HHIPL1: variants seen among roughly 807,000 people sequenced by gnomAD.
HHIPL1 encodes HHIP like 1.
Under a neutral mutation model 61.8 loss-of-function variants are expected in HHIPL1, and 43 were observed. That is an observed-to-expected ratio of 0.70 (90% CI 0.55 to 0.90). The LOEUF (loss-of-function observed/expected upper bound fraction) is 0.90, where lower values mean the gene tolerates loss of function less well. Among genes scored for constraint, HHIPL1 ranks in the 40% least tolerant of loss-of-function variants. The pLI is 0.00. For missense variants in HHIPL1, 1,056 were observed against 1,157.7 expected, an observed-to-expected ratio of 0.91 and a Z score of 1.28; for synonymous variants, 482 against 515.8, an observed-to-expected ratio of 0.93 and a Z score of 0.89.
At position 99,645,358 on chromosome 14, in the gene HHIPL1, G is replaced by C. The variant is rs762007838; in HGVS notation, c.151G>C (p.Gly51Arg). 2.1e-6 allele frequency: 3 copies of C among 1,448,592 alleles called. No homozygotes were observed. In the African/African-American group the frequency reaches 4.4e-5, roughly 21 times the overall value. The allele number at this position is 1,448,592 out of a possible 1,614,324, so 89.7% of individuals were successfully genotyped here. A position where few individuals can be genotyped will look rare whatever the true frequency, so the allele number is the denominator to read the frequency against. ...QYSDFGCCDE[G>R]RDAELTRRFW... ...CTCGGACTTCGGCTGCTGCGATGAGGGGCGCGACGCCGAGCTGACCCGCCG... is the reference window on the plus strand; with the variant it reads ...CTCGGACTTCGGCTGCTGCGATGAGCGGCGCGACGCCGAGCTGACCCGCCG... Residue 51 changes from glycine to arginine, a missense_variant, in exon 1 of 9, where the codon GGG (glycine) becomes CGG (arginine). Coordinates refer to ENST00000330710, the MANE Select transcript of HHIPL1 (RefSeq NM_001127258.3).
intron 6 of HHIPL1, among the ~76,000 whole-genome samples, chr14:99,667,539 C>G (rs534449554): frequency 3.7e-4 from 57 of 152,164 alleles, no homozygotes; most frequent in African/African-American, 1.3e-3. Flanking sequence ...TAGAATGGGA[C>G]CATCACACAG....
rs35142788 is a variant in HHIPL1, at chr14:99,667,321, CT to C, written c.1649-889del. Among the ~76,000 whole-genome samples, 21 of 147,722 alleles carry C rather than the reference CT, an allele frequency of 1.4e-4. No individual in the cohort carries two copies. The East Asian group carries it at 2.0e-3, about 14-fold the overall frequency. On this transcript the variant is annotated intron_variant, in intron 6 of 8. Coordinates refer to ENST00000330710, the MANE Select transcript of HHIPL1 (RefSeq NM_001127258.3). Reference sequence around the variant, plus strand: ...CAAGTCACTTGACTTCTCTGAGCCTCTTTTTTTTTTTTCTCAGCTGTGAGGT... The same window carrying C: ...CAAGTCACTTGACTTCTCTGAGCCTCTTTTTTTTTTTCTCAGCTGTGAGGT...
chr14:99,635,241 T>C, the HHIPL1 span, among the ~76,000 whole-genome samples: 11 of 152,210 alleles, frequency 7.2e-5, no homozygotes, highest in East Asian at 2.1e-3. Flanking sequence ...CCAGGGAACA[T>C]GGAGAGCCAG....
chr14:99,641,068 G>A (rs558255962), upstream of HHIPL1, among the ~76,000 whole-genome samples: 1 of 151,726 alleles, frequency 6.6e-6, no homozygotes, highest in South Asian at 2.1e-4. Flanking sequence ...TGTATTTTTA[G>A]TGGAGACTGG....
At chr14:99,606,143 G>A in the HHIPL1 span, among the ~76,000 whole-genome samples, 1 of 152,194 alleles carries the variant, frequency 6.6e-6, no homozygotes, top group African/African-American at 2.4e-5. Flanking sequence ...AGGGGAGGGT[G>A]GTGGGGAGAG....
intron 8 of HHIPL1, among the ~76,000 whole-genome samples, chr14:99,673,317 C>T (rs968460378): frequency 1.3e-5 from 2 of 151,674 alleles, no homozygotes; most frequent in African/African-American, 4.9e-5. Flanking sequence ...ACTCATTCAG[C>T]AGTTTCTGGC....
At chr14:99,627,306 A>G in the HHIPL1 span, among the ~76,000 whole-genome samples, 3 of 150,400 alleles carry the variant, frequency 2.0e-5, no homozygotes, top group South Asian at 4.2e-4. The surrounding 1 kb of genome is among the most constrained non-coding windows in gnomAD (Gnocchi z 4.4). Context: ...CTACTCTTCC[A>G]TCTTCCCATC....
chr14:99,642,959 CAT>C (rs1281720634), upstream of HHIPL1, among the ~76,000 whole-genome samples: 3 of 152,146 alleles, frequency 2.0e-5, no homozygotes, highest in South Asian at 4.1e-4. Context: ...ACATATTAGT[CAT>C]AGTTATTTTA....
upstream of HHIPL1, among the ~76,000 whole-genome samples, chr14:99,642,922 T>G (rs189422955): frequency 6.6e-6 from 1 of 152,354 alleles, no homozygotes; most frequent in East Asian, 1.9e-4. Flanking sequence ...GTCTTGATGT[T>G]GTCAACTTTT....
At chr14:99,672,235 T>C (rs1308298758) in intron 7 of HHIPL1, 82 bp from the exon 8 acceptor site, 1 of 1,074,108 alleles carries the variant, frequency 9.3e-7, no homozygotes, top group African/African-American at 1.6e-5. Context: ...TTGCTGTTCA[T>C]ACCTGCCTCA....
At chr14:99,606,609 C>G in the HHIPL1 span, among the ~76,000 whole-genome samples, 5 of 152,332 alleles carry the variant, frequency 3.3e-5, no homozygotes, top group African/African-American at 1.2e-4. Context: ...TGGCAGCTTC[C>G]GCTGAACTTC....
the HHIPL1 span, among the ~76,000 whole-genome samples, chr14:99,606,580 C>T: frequency 6.6e-6 from 1 of 152,250 alleles, no homozygotes; most frequent in Admixed American, 6.5e-5. Context: ...GTTATCTCTG[C>T]CCCCTGATCC....
upstream of HHIPL1, among the ~76,000 whole-genome samples, chr14:99,644,802 C>T (rs1414667419): frequency 6.6e-6 from 1 of 152,170 alleles, no homozygotes. Flanking sequence ...CTTTCGGGGA[C>T]GGGCTGCGGG....
the HHIPL1 span, among the ~76,000 whole-genome samples, chr14:99,617,712 A>G: frequency 1.3e-5 from 2 of 152,192 alleles, no homozygotes; most frequent in Non-Finnish European, 2.9e-5. Context: ...ATATTCCCTG[A>G]TGGAAGCCCC....
chr14:99,656,321 G>C (rs1300617235), intron 2 of HHIPL1, among the ~76,000 whole-genome samples: 1 of 152,174 alleles, frequency 6.6e-6, no homozygotes, highest in Non-Finnish European at 1.5e-5. Context: ...GAAGACTTGA[G>C]TTCTAATCCC....
At chr14:99,659,782 C>T (rs757571777) in intron 4 of HHIPL1, 26 bp downstream of exon 4, 19 of 1,377,642 alleles carry the variant, frequency 1.4e-5, no homozygotes, top group Non-Finnish European at 1.8e-5. Flanking sequence ...CCGGGGACCC[C>T]GGCCCCGAAT....
chr14:99,647,739 ACG>A (rs2055864771), intron 1 of HHIPL1, among the ~76,000 whole-genome samples: 3 of 151,950 alleles, frequency 2.0e-5, no homozygotes, highest in Admixed American at 1.3e-4. Context: ...TGATTTCCAC[ACG>A]GGGAGGTGGT....
At chr14:99,617,248 C>CT in the HHIPL1 span, among the ~76,000 whole-genome samples, 5 of 152,310 alleles carry the variant, frequency 3.3e-5, no homozygotes, top group African/African-American at 1.2e-4. Context: ...CATTTCCTGA[C>CT]TTTCACGGAA....
Position 99,668,829 on chromosome 14 carries a change from T to C in HHIPL1, c.1730+526T>C. ...GGCTCCATCTCCCCGGCTTCCCTTC[T>C]AGCTGTAAGGCCAGAAGCGCCATGC... On this transcript the variant is annotated intron_variant, in intron 7 of 8. Coordinates refer to ENST00000330710, the MANE Select transcript of HHIPL1 (RefSeq NM_001127258.3). The surrounding 1 kb of genome is among the most constrained non-coding windows in gnomAD (Gnocchi z 4.7). 6.2e-7 allele frequency: 1 copy of C among 1,613,632 alleles called. No homozygotes were observed. Among genetic ancestry groups the C allele is most frequent in the Non-Finnish European group, 8.5e-7 (1 of 1,180,000 alleles).
Sources: gnomAD v4.1 joint callset for allele counts (sites outside exome capture counted in the v4.1 genomes callset) on GRCh38, gnomAD v4.1.1 for gene constraint, Gnocchi (gnomAD v3.1) non-coding constraint, MANE v1.5 for transcripts, NCBI Gene and HGNC (gene_info 2026-07-23, HGNC 2026-07-21) for gene names.